TMEM108: variants seen among roughly 807,000 people sequenced by gnomAD.
TMEM108 encodes the protein transmembrane protein 108, also known as cancer/testis antigen 124.
TMEM108 carries 12 observed loss-of-function variants against 35.1 expected under a neutral mutation model. The observed-to-expected ratio is 0.34, with a 90% confidence interval of 0.22 to 0.55. The LOEUF is 0.55. Among genes scored for constraint, TMEM108 ranks in the 20% least tolerant of loss-of-function variants. TMEM108 has a pLI of 0.89. For missense variants in TMEM108, 680 were observed against 753.3 expected (o/e 0.90, Z 1.14); for synonymous variants, 287 against 308.6 (o/e 0.93, Z 0.73).
At chr3:133,202,579 G>A (rs1011406548) in intron 2 of TMEM108, among the ~76,000 whole-genome samples, 2 of 152,072 alleles carry the variant, frequency 1.3e-5, no homozygotes, top group African/African-American at 4.8e-5. Context: ...TTTTTGTCAG[G>A]TTTGTCAAAG....
chr3:133,371,419 T>C (rs2072667223), intron 3 of TMEM108, among the ~76,000 whole-genome samples: 1 of 152,058 alleles, frequency 6.6e-6, no homozygotes, highest in African/African-American at 2.4e-5. Flanking sequence ...ATCTGGAAGT[T>C]AGGCTGAGGC....
At chr3:133,126,218 G>A (rs1253979223) in intron 2 of TMEM108, among the ~76,000 whole-genome samples, 1 of 152,064 alleles carries the variant, frequency 6.6e-6, no homozygotes, top group African/African-American at 2.4e-5. Context: ...TGTAATCCCA[G>A]CACTTTGGGA....
At chr3:133,392,757 T>C (rs935595434) in intron 5 of TMEM108, among the ~76,000 whole-genome samples, 14 of 152,186 alleles carry the variant, frequency 9.2e-5, no homozygotes, top group East Asian at 1.9e-4. Context: ...GAAAATTTCA[T>C]TGGTTCTCCC....
At chr3:133,377,623 G>A (rs1025915249) in intron 3 of TMEM108, among the ~76,000 whole-genome samples, 1 of 152,192 alleles carries the variant, frequency 6.6e-6, no homozygotes, top group African/African-American at 2.4e-5. Context: ...GAAAGCCTGG[G>A]CCAGGGCAAG....
intron 2 of TMEM108, among the ~76,000 whole-genome samples, chr3:133,152,215 A>G (rs1559848975): frequency 6.6e-6 from 1 of 152,218 alleles, no homozygotes; most frequent in Non-Finnish European, 1.5e-5. Flanking sequence ...GAAGAATGGC[A>G]TTGGTTGCTA....
rs187722860 is a variant in TMEM108, at chr3:133,312,639, T to C, written c.41-67113T>C. 2.8e-3 allele frequency among the ~76,000 whole-genome samples: 428 copies of C among 152,344 alleles called. 3 individuals are homozygous for C. Among genetic ancestry groups the C allele is most frequent in the African/African-American group, 0.01 (416 of 41,572 alleles). ...TTTTCCAGGTACAGTCTGTCACAGC[T>C]TCCCTTGGCTAGGAAAGGGAAATCC... is the stretch of plus-strand genomic sequence containing the variant. On this transcript the variant is annotated intron_variant, in intron 3 of 5. Transcript: ENST00000321871.
At chr3:133,191,364 T>G (rs1413339375) in intron 2 of TMEM108, among the ~76,000 whole-genome samples, 1 of 152,198 alleles carries the variant, frequency 6.6e-6, no homozygotes, top group African/African-American at 2.4e-5. Context: ...TATGTTAGTA[T>G]GAAATAAGCC....
intron 2 of TMEM108, among the ~76,000 whole-genome samples, chr3:133,118,616 T>G (rs1247261427): frequency 6.6e-6 from 1 of 152,200 alleles, no homozygotes; most frequent in African/African-American, 2.4e-5. Context: ...TACCAGATTG[T>G]GTTTTTGCCC....
chr3:133,308,324 C>T (rs749934820), intron 3 of TMEM108, among the ~76,000 whole-genome samples: 4 of 152,122 alleles, frequency 2.6e-5, no homozygotes, highest in Non-Finnish European at 4.4e-5. Context: ...TATTTGACTT[C>T]CCTTTTCCTA....
intron 2 of TMEM108, among the ~76,000 whole-genome samples, chr3:133,195,751 T>A (rs1945566246): frequency 6.6e-6 from 1 of 152,226 alleles, no homozygotes; most frequent in Non-Finnish European, 1.5e-5. Context: ...TTGTTATGAC[T>A]TAGCCAAGGA....
rs374213423 is a variant in TMEM108 at position 133,291,666 on chromosome 3, T to A, written c.40+62315T>A. Reference sequence around the variant, plus strand: ...CCTCATCCAAGAGAGAGGTGGAATTTTTATTATTATTATTATAAGCCCCTT... The same window carrying A: ...CCTCATCCAAGAGAGAGGTGGAATTATTATTATTATTATTATAAGCCCCTT... On this transcript the variant is annotated intron_variant, in intron 3 of 5. Transcript: ENST00000321871. Among the ~76,000 whole-genome samples, 38 of 152,040 alleles carry A rather than the reference T, an allele frequency of 2.5e-4. No homozygotes were observed. In the South Asian group the frequency reaches 6.2e-3, roughly 25 times the overall value.
chr3:133,238,517 TA>T (rs1465173214), intron 3 of TMEM108, among the ~76,000 whole-genome samples: 2 of 152,230 alleles, frequency 1.3e-5, no homozygotes, highest in Non-Finnish European at 2.9e-5. Flanking sequence ...GGATTGTGGC[TA>T]ACTGGGAAAT....
chr3:133,124,983 T>C (rs930360933), intron 2 of TMEM108: 26 of 152,064 alleles, frequency 1.7e-4, no homozygotes, highest in African/African-American at 6.0e-4. Context: ...GCAGATTAAC[T>C]CAGGAAAATT....
intron 2 of TMEM108, among the ~76,000 whole-genome samples, chr3:133,156,260 A>G (rs1944880440): frequency 6.6e-6 from 1 of 152,082 alleles, no homozygotes; most frequent in Non-Finnish European, 1.5e-5. Flanking sequence ...TTTGCCTTTT[A>G]TGTCTCTGCA....
intron 2 of TMEM108, among the ~76,000 whole-genome samples, chr3:133,136,484 G>T (rs1944566466): frequency 6.6e-6 from 1 of 152,208 alleles, no homozygotes; most frequent in South Asian, 2.1e-4. Context: ...CCAGACTAGG[G>T]CTTTCTTTTT....
intron 2 of TMEM108, among the ~76,000 whole-genome samples, chr3:133,168,834 T>C (rs907162256): frequency 6.6e-6 from 1 of 152,270 alleles, no homozygotes; most frequent in East Asian, 1.9e-4. Flanking sequence ...CCGTGAAGGT[T>C]TGCGGCTTCA....
At chr3:133,107,678 A>G (rs1236356650) in intron 2 of TMEM108, among the ~76,000 whole-genome samples, 5 of 152,158 alleles carry the variant, frequency 3.3e-5, no homozygotes, top group African/African-American at 1.2e-4. Context: ...CTCATGATTC[A>G]CCAGGTTACC....
At chr3:133,171,246 T>C (rs77393387) in intron 2 of TMEM108, among the ~76,000 whole-genome samples, 1,602 of 152,328 alleles carry the variant, frequency 0.011, 34 homozygotes, top group African/African-American at 0.036. Flanking sequence ...TGTGATGTGC[T>C]TTCAGAGAGT....
rs368590836 is a variant in TMEM108, at chr3:133,245,955, C to CT, written c.40+16615dup. Reference sequence around the variant, plus strand: ...AAAAATCTAGTGAAATATTTGCTTTCTTTTTTTTTTTCAGACCAGGTCTTT... The same window carrying CT: ...AAAAATCTAGTGAAATATTTGCTTTCTTTTTTTTTTTTCAGACCAGGTCTTT... On this transcript the variant is annotated intron_variant, in intron 3 of 5. Coordinates refer to ENST00000321871, the MANE Select transcript of TMEM108 (RefSeq NM_023943.4). Among the ~76,000 whole-genome samples the CT allele has an allele frequency of 2.7e-3, 386 of 145,572 alleles. 1 individual carries two copies. The highest frequency in any genetic ancestry group is 2.4e-3 in the Non-Finnish European group (159 of 65,912).
Sources: allele counts gnomAD v4.1 joint callset (sites outside exome capture counted in the v4.1 genomes callset), GRCh38; gene constraint gnomAD v4.1.1; transcripts MANE v1.5; gene names NCBI Gene and HGNC (gene_info 2026-07-23, HGNC 2026-07-21).